Variants in RAB27A observed in about 807,000 individuals in gnomAD.
RAB27A encodes RAB27A, member RAS oncogene family, also known as ras-related protein Rab-27A.
A neutral mutation model predicts 20.8 loss-of-function variants in RAB27A; 17 were observed. The ratio of observed to expected loss-of-function variants is 0.82; its 90% CI spans 0.56 to 1.23. The LOEUF is 1.23. Ranked by LOEUF, RAB27A falls within the 50% of genes most tolerant of loss-of-function variation. RAB27A has a pLI of 0.00. For synonymous variants in RAB27A, 85 were observed against 92.8 expected (o/e 0.92, Z 0.48); for missense variants, 277 against 266.7 (o/e 1.04, Z -0.27).
chr15:55,258,523 G>A (rs1435327689), intron 2 of RAB27A, among the ~76,000 whole-genome samples: 1 of 152,150 alleles, frequency 6.6e-6, no homozygotes, highest in African/African-American at 2.4e-5. Flanking sequence ...TGCACACCAG[G>A]GGGAGTCACC....
At chr15:55,294,314 G>A (rs911705867), upstream of RAB27A, among the ~76,000 whole-genome samples, 36 of 152,068 alleles carry the variant, frequency 2.4e-4, no homozygotes, top group African/African-American at 7.5e-4. Flanking sequence ...GAGGCCTGGC[G>A]CGGTAGCTCA....
chr15:55,206,374 G>T, intron 6 of RAB27A: 2 of 494,726 alleles, frequency 4.0e-6, no homozygotes, highest in Non-Finnish European at 5.2e-6. Context: ...TTTGTTTTGA[G>T]ACAGAGTCTC....
rs148343296 is a variant in RAB27A at position 55,255,892 on chromosome 15, G to A, written c.-23+14273C>T. The stretch of plus-strand genomic sequence containing the variant: ...GCACAAGAAATCAAAAGTGAAAGGG[G>A]CTTCAAGTCAAAAGACCTGAACTCT... On this transcript the variant is annotated intron_variant, in intron 2 of 6. Coordinates refer to ENST00000336787, the MANE Select transcript of RAB27A (RefSeq NM_183235.3). 3.9e-5 allele frequency among the ~76,000 whole-genome samples: 6 copies of A among 152,258 alleles called. No homozygotes were observed. The East Asian group carries it at 5.8e-4, about 15-fold the overall frequency.
intron 1 of RAB27A, chr15:55,270,609 A>C (rs2141098193): frequency 6.6e-6 from 1 of 152,302 alleles, no homozygotes; most frequent in East Asian, 1.9e-4. Context: ...ACAGTAGAAC[A>C]TTTGTTTTCT....
Position 55,277,544 on chromosome 15 carries a change from G to C in RAB27A, c.-142-7260C>G, listed in dbSNP as rs369033207. ...CCTTCTCCCTCCCCTCACCTTTGCTGTCAGGCAGCTATCCCTCACCACAGT... is the reference window on the plus strand; with the variant it reads ...CCTTCTCCCTCCCCTCACCTTTGCTCTCAGGCAGCTATCCCTCACCACAGT... On this transcript the variant is annotated intron_variant, in intron 1 of 6. Transcript: ENST00000336787. Among the ~76,000 whole-genome samples, 6 of 152,244 alleles carry C rather than the reference G, an allele frequency of 3.9e-5. 1 individual carries two copies. Among genetic ancestry groups the C allele is most frequent in the African/African-American group, 1.4e-4 (6 of 41,534 alleles).
chr15:55,244,976 C>T (rs562573816), intron 2 of RAB27A, among the ~76,000 whole-genome samples: 2 of 152,162 alleles, frequency 1.3e-5, no homozygotes, highest in African/African-American at 2.4e-5. Flanking sequence ...GACCCATACC[C>T]GGCATTCTGG....
chr15:55,278,219 A>C (rs1237081521), intron 1 of RAB27A, among the ~76,000 whole-genome samples: 1 of 152,212 alleles, frequency 6.6e-6, no homozygotes, highest in Non-Finnish European at 1.5e-5. Context: ...AAAACATATT[A>C]AAGAAATTTA....
intron 1 of RAB27A, among the ~76,000 whole-genome samples, chr15:55,282,414 G>C (rs998562069): frequency 2.6e-5 from 4 of 152,202 alleles, no homozygotes; most frequent in African/African-American, 9.6e-5. Flanking sequence ...ACACAATTCT[G>C]TAAGTGTAAC....
intron 1 of RAB27A, among the ~76,000 whole-genome samples, chr15:55,277,521 T>C (rs1373171936): frequency 6.6e-6 from 1 of 152,184 alleles, no homozygotes; most frequent in Non-Finnish European, 1.5e-5. Context: ...TTATATTTCC[T>C]TCTCCCTCCC....
At chr15:55,261,322 G>A (rs944633543) in intron 2 of RAB27A, among the ~76,000 whole-genome samples, 4 of 151,742 alleles carry the variant, frequency 2.6e-5, no homozygotes, top group African/African-American at 2.4e-5. Context: ...GCTGGAACCC[G>A]GGCAGCAGAG....
At chr15:55,206,259 T>C in intron 6 of RAB27A, 4 of 703,024 alleles carry the variant, frequency 5.7e-6, no homozygotes, top group Non-Finnish European at 7.0e-6. Context: ...ATTTTGGCAA[T>C]ACATACTGAT....
At chr15:55,293,027 G>C (rs2054931349), upstream of RAB27A, among the ~76,000 whole-genome samples, 1 of 152,140 alleles carries the variant, frequency 6.6e-6, no homozygotes, top group Admixed American at 6.6e-5. Context: ...TCAGTTCAAA[G>C]TCATCTCTAC....
intron 1 of RAB27A, among the ~76,000 whole-genome samples, chr15:55,281,690 G>A (rs1293794078): frequency 6.6e-6 from 1 of 151,540 alleles, no homozygotes; most frequent in Non-Finnish European, 1.5e-5. Context: ...AGAAGGGAAG[G>A]GAAGGAAGAA....
At chr15:55,312,055 C>T (rs940017559) in intron 2 of RAB27A, among the ~76,000 whole-genome samples, 6 of 152,208 alleles carry the variant, frequency 3.9e-5, no homozygotes, top group African/African-American at 1.4e-4. Flanking sequence ...CGGAAGAGAA[C>T]CGTGGAACCC....
At chr15:55,253,993 C>T (rs1426888353) in intron 2 of RAB27A, among the ~76,000 whole-genome samples, 7 of 152,104 alleles carry the variant, frequency 4.6e-5, no homozygotes, top group African/African-American at 1.7e-4. Context: ...AAACAAGTAA[C>T]AGTACACTTA....
At chr15:55,208,221 C>A (rs1212037254) in intron 6 of RAB27A, among the ~76,000 whole-genome samples, 5 of 152,076 alleles carry the variant, frequency 3.3e-5, no homozygotes, top group African/African-American at 1.2e-4. Flanking sequence ...AATTAAAAAA[C>A]CAACTTGTAT....
chr15:55,275,776 C>T (rs1897850010), intron 1 of RAB27A, among the ~76,000 whole-genome samples: 1 of 151,546 alleles, frequency 6.6e-6, no homozygotes, highest in South Asian at 2.1e-4. Flanking sequence ...GGGCGAAAGA[C>T]CTGAATAGAC....
chr15:55,315,305 A>C (rs191154914), intron 1 of RAB27A, among the ~76,000 whole-genome samples: 1 of 152,372 alleles, frequency 6.6e-6, no homozygotes, highest in Admixed American at 6.5e-5. Flanking sequence ...AACCATAAAA[A>C]GTCTAGAAGA....
intron 2 of RAB27A, among the ~76,000 whole-genome samples, chr15:55,304,429 CCT>C (rs1172347441): frequency 2.0e-5 from 3 of 150,606 alleles, no homozygotes; most frequent in African/African-American, 7.4e-5. Flanking sequence ...GCCAAATCCC[CCT>C]CTGTGAGAAA....
Sources: gnomAD v4.1 joint callset for allele counts (sites outside exome capture counted in the v4.1 genomes callset) on GRCh38, gnomAD v4.1.1 for gene constraint, MANE v1.5 for transcripts, NCBI Gene and HGNC (gene_info 2026-07-23, HGNC 2026-07-21) for gene names.